The following TASP1 variants were observed in gnomAD, a reference collection of about 807,000 sequenced individuals.
TASP1 encodes the protein taspase 1.
TASP1 carries 16 observed loss-of-function variants against 56.6 expected under a neutral mutation model. That is an observed-to-expected ratio of 0.28 (90% confidence interval 0.19 to 0.43). The LOEUF is 0.43. Among genes scored for constraint, TASP1 ranks in the 20% least tolerant of loss-of-function variants. The pLI, the probability that TASP1 is intolerant of heterozygous loss-of-function variation, is 1.00. For synonymous variants in TASP1, 179 were observed against 184.2 expected (o/e 0.97, Z 0.23); for missense variants, 393 against 511.6 (o/e 0.77, Z 2.24).
At chr20:13,531,427 A>AATT (rs1200949267) in intron 9 of TASP1, among the ~76,000 whole-genome samples, 1 of 151,988 alleles carries the variant, frequency 6.6e-6, no homozygotes, top group Non-Finnish European at 1.5e-5. Flanking sequence ...TGTAAATTCA[A>AATT]ATTATTACAG....
At chr20:13,215,747 C>T in the TASP1 span, among the ~76,000 whole-genome samples, 2 of 152,164 alleles carry the variant, frequency 1.3e-5, no homozygotes, top group Non-Finnish European at 1.5e-5. Flanking sequence ...CAGCTAGGGG[C>T]TTTTAGCATG....
the TASP1 span, among the ~76,000 whole-genome samples, chr20:13,105,566 G>A: frequency 6.6e-6 from 1 of 152,112 alleles, no homozygotes; most frequent in Non-Finnish European, 1.5e-5. Flanking sequence ...TTAATCCATC[G>A]TGTTTATGTG....
chr20:13,632,959 A>AT (rs1189379876), intron 1 of TASP1, among the ~76,000 whole-genome samples: 1 of 152,200 alleles, frequency 6.6e-6, no homozygotes, highest in African/African-American at 2.4e-5. Flanking sequence ...CTTAAATACC[A>AT]TTTTTTAACT....
the TASP1 span, among the ~76,000 whole-genome samples, chr20:13,224,880 C>T: frequency 1.6e-5 from 2 of 127,106 alleles, no homozygotes; most frequent in Admixed American, 9.1e-5. Flanking sequence ...CAGTCTTGCT[C>T]TGTCGCCCAG....
the TASP1 span, among the ~76,000 whole-genome samples, chr20:13,169,382 C>T: frequency 6.6e-6 from 1 of 152,094 alleles, no homozygotes; most frequent in Non-Finnish European, 1.5e-5. Flanking sequence ...TACTAGCACA[C>T]CACTGAGACC....
intron 2 of TASP1, among the ~76,000 whole-genome samples, chr20:13,627,682 G>A (rs983349111): frequency 7.0e-6 from 1 of 143,094 alleles, no homozygotes; most frequent in Non-Finnish European, 1.5e-5. Flanking sequence ...CTTGCAGAGT[G>A]AGCCAAGATC....
chr20:13,469,792 C>CTTTTTTTTTTTTTTTTTTTTTTTTTT lies in TASP1; in HGVS notation c.985+13409_985+13434dup, dbSNP rs546419566. On this transcript the variant is annotated intron_variant, in intron 11 of 13. Coordinates refer to ENST00000337743, the MANE Select transcript of TASP1 (RefSeq NM_017714.3). ...ACAGTTGTCCAGGTCAATAAATGTC[C>CTTTTTTTTTTTTTTTTTTTTTTTTTT]TTTTTTTTTTTTTTTTTTTTTTTTT... is the stretch of plus-strand genomic sequence containing the variant. Among the ~76,000 whole-genome samples the CTTTTTTTTTTTTTTTTTTTTTTTTTT allele has an allele frequency of 7.6e-5, 3 of 39,546 alleles. 1 individual carries two copies. Among genetic ancestry groups the CTTTTTTTTTTTTTTTTTTTTTTTTTT allele is most frequent in the African/African-American group, 2.6e-4 (3 of 11,436 alleles). 25.9% of individuals were successfully genotyped at this position (39,546 alleles called of 152,430 possible).
At chr20:13,279,605 C>G in the TASP1 span, 3 of 1,592,588 alleles carry the variant, frequency 1.9e-6, no homozygotes, top group Non-Finnish European at 2.6e-6. Context: ...TGACTCCACA[C>G]TGACCCCAGC....
intron 13 of TASP1, among the ~76,000 whole-genome samples, chr20:13,403,662 T>G (rs2041818170): frequency 6.6e-6 from 1 of 152,164 alleles, no homozygotes; most frequent in Admixed American, 6.6e-5. Flanking sequence ...TGTCAATCAT[T>G]ACATGCCTCT....
chr20:13,162,063 G>A, the TASP1 span, among the ~76,000 whole-genome samples: 5 of 152,268 alleles, frequency 3.3e-5, no homozygotes, highest in Admixed American at 1.3e-4. Flanking sequence ...TTAACAAATT[G>A]TTTCTTTTAA....
At chr20:13,164,359 G>T in the TASP1 span, 1 of 472,492 alleles carries the variant, frequency 2.1e-6, no homozygotes, top group Admixed American at 2.3e-5. Flanking sequence ...TTGGCCAGGT[G>T]ATTTGCTGTG....
At chr20:13,402,727 T>C (rs543942277) in intron 13 of TASP1, among the ~76,000 whole-genome samples, 1 of 152,310 alleles carries the variant, frequency 6.6e-6, no homozygotes, top group South Asian at 2.1e-4. Flanking sequence ...TAAAATATGG[T>C]CCAATAAATC....
chr20:13,470,334 G>C (rs371137436), intron 11 of TASP1, among the ~76,000 whole-genome samples: 1 of 152,084 alleles, frequency 6.6e-6, no homozygotes, highest in Non-Finnish European at 1.5e-5. Flanking sequence ...CAAGCAAAAG[G>C]CATTCAATTC....
At chr20:13,505,177 C>A (rs1371970457) in intron 10 of TASP1, among the ~76,000 whole-genome samples, 1 of 151,990 alleles carries the variant, frequency 6.6e-6, no homozygotes, top group African/African-American at 2.4e-5. Flanking sequence ...ACAGATAAAG[C>A]AGGTCATTAT....
intron 10 of TASP1, among the ~76,000 whole-genome samples, chr20:13,527,714 C>T (rs1406731832): frequency 6.6e-6 from 1 of 152,002 alleles, no homozygotes; most frequent in East Asian, 1.9e-4. Flanking sequence ...TTAAAAGTGT[C>T]GTTCAAGGAC....
the TASP1 span, among the ~76,000 whole-genome samples, chr20:13,263,932 C>A: frequency 6.6e-6 from 1 of 152,086 alleles, no homozygotes; most frequent in Admixed American, 6.5e-5. Context: ...ATAATATCTT[C>A]TTTAATATCT....
intron 4 of TASP1, among the ~76,000 whole-genome samples, chr20:13,613,439 G>C (rs1279189089): frequency 6.6e-6 from 1 of 152,142 alleles, no homozygotes; most frequent in East Asian, 1.9e-4. Flanking sequence ...TATAGCAGAG[G>C]GTGATCTGCC....
intron 4 of TASP1, among the ~76,000 whole-genome samples, chr20:13,603,682 C>A (rs78357352): frequency 6.6e-6 from 1 of 152,230 alleles, no homozygotes; most frequent in East Asian, 1.9e-4. Context: ...TAAGACAATC[C>A]AAAGTTTTTA....
chr20:13,289,108 A>G, the TASP1 span, among the ~76,000 whole-genome samples: 2 of 152,246 alleles, frequency 1.3e-5, no homozygotes, highest in African/African-American at 4.8e-5. Context: ...ACTTCTGACC[A>G]GAGTGAGTCA....
Sources: gnomAD v4.1 joint callset for allele counts (sites outside exome capture counted in the v4.1 genomes callset) on GRCh38, gnomAD v4.1.1 for gene constraint, MANE v1.5 for transcripts, NCBI Gene and HGNC (gene_info 2026-07-23, HGNC 2026-07-21) for gene names.